The following CTNNA3 variants were observed in gnomAD, a reference collection of about 807,000 sequenced individuals.
CTNNA3 encodes catenin alpha 3, also known as catenin alpha-3.
A neutral mutation model predicts 95.7 loss-of-function variants in CTNNA3; 76 were observed. That is an observed-to-expected ratio of 0.79 (90% CI 0.66 to 0.96). The LOEUF (loss-of-function observed/expected upper bound fraction) is 0.96. CTNNA3 is among the 40% of genes least tolerant of loss of function. The pLI is 0.00. For synonymous variants in CTNNA3, 431 were observed against 374.4 expected, an observed-to-expected ratio of 1.15 and a Z score of -1.74; for missense variants, 1,191 against 1,089.8, an observed-to-expected ratio of 1.09 and a Z score of -1.31.
intron 13 of CTNNA3, among the ~76,000 whole-genome samples, chr10:66,185,208 G>A (rs755475766): frequency 1.4e-4 from 21 of 152,132 alleles, no homozygotes; most frequent in South Asian, 4.1e-4. Flanking sequence ...AACAATTTCG[G>A]TAAATAAATA....
rs1279051587 is a variant in CTNNA3 at position 67,239,286 on chromosome 10, A to G, written c.580-19416T>C. ...CTAAAGACACAGGCAAAAATGTTCCATACCAGCACTGTCTGTAATAGTCCC... is the reference window on the plus strand; with the variant it reads ...CTAAAGACACAGGCAAAAATGTTCCGTACCAGCACTGTCTGTAATAGTCCC... On this transcript the variant is annotated intron_variant, in intron 5 of 17. Transcript: ENST00000433211. Among the ~76,000 whole-genome samples, 2 of 151,956 alleles carry G rather than the reference A, an allele frequency of 1.3e-5. 1 individual carries two copies. The highest frequency in any genetic ancestry group is 4.2e-4 in the South Asian group (2 of 4,818).
rs1288234204 is a variant in CTNNA3, at chr10:66,599,540, T to C, written c.1374+22152A>G. On this transcript the variant is annotated intron_variant, in intron 10 of 17. Coordinates refer to ENST00000433211, the MANE Select transcript of CTNNA3 (RefSeq NM_013266.4). Reference sequence around the variant, plus strand: ...CTTTGGATTACCCATGAAATATTTCTTGTTACACAACAATACATTCTGAAA... The same window carrying C: ...CTTTGGATTACCCATGAAATATTTCCTGTTACACAACAATACATTCTGAAA... Among the ~76,000 whole-genome samples, 3 of 152,108 alleles carry C rather than the reference T, an allele frequency of 2.0e-5. No homozygotes were observed. The South Asian group carries it at 6.2e-4, about 32-fold the overall frequency.
chr10:66,433,824 G>C (rs1309176449), intron 11 of CTNNA3, among the ~76,000 whole-genome samples: 1 of 152,154 alleles, frequency 6.6e-6, no homozygotes, highest in African/African-American at 2.4e-5. Flanking sequence ...TTTGTATTAG[G>C]TGTAAGGAAG....
At chr10:66,644,596 T>C (rs1398366825) in intron 9 of CTNNA3, among the ~76,000 whole-genome samples, 1 of 151,768 alleles carries the variant, frequency 6.6e-6, no homozygotes, top group Non-Finnish European at 1.5e-5. Context: ...AGAAATAATA[T>C]AGAGACATCC....
chr10:67,258,711 G>C (rs1866460465), intron 5 of CTNNA3, among the ~76,000 whole-genome samples: 1 of 152,040 alleles, frequency 6.6e-6, no homozygotes, highest in South Asian at 2.1e-4. Context: ...TTAAAAATTA[G>C]TCACTTTCTC....
At chr10:66,769,995 GT>G (rs1564671139) in intron 8 of CTNNA3, among the ~76,000 whole-genome samples, 2 of 152,184 alleles carry the variant, frequency 1.3e-5, no homozygotes, top group East Asian at 3.8e-4. Context: ...TGGTATTAAT[GT>G]TGTTTGATCA....
intron 3 of CTNNA3, among the ~76,000 whole-genome samples, chr10:67,564,678 T>TATATATATAA (rs1491148018): frequency 1.5e-3 from 15 of 10,314 alleles, no homozygotes; most frequent in Non-Finnish European, 2.1e-3. Flanking sequence ...TGTGTGTGTG[T>TATATATATAA]ATATATATAT....
chr10:67,308,892 A>G (rs897409876), intron 5 of CTNNA3, among the ~76,000 whole-genome samples: 2 of 152,124 alleles, frequency 1.3e-5, no homozygotes, highest in South Asian at 4.1e-4. Context: ...CTACTTCAAA[A>G]CTTTTTTTTT....
At chr10:66,475,724 C>T (rs547795690) in intron 11 of CTNNA3, among the ~76,000 whole-genome samples, 2 of 151,792 alleles carry the variant, frequency 1.3e-5, no homozygotes, top group South Asian at 2.1e-4. Flanking sequence ...AAGATGCTGG[C>T]GAGGCTATGG....
intron 11 of CTNNA3, among the ~76,000 whole-genome samples, chr10:66,382,728 G>A (rs1186521855): frequency 6.6e-6 from 1 of 152,142 alleles, no homozygotes; most frequent in Non-Finnish European, 1.5e-5. Context: ...CTGGGATGAA[G>A]CTTCCAGAGG....
chr10:67,685,528 A>G (rs1159099737), intron 1 of CTNNA3, among the ~76,000 whole-genome samples: 2 of 152,158 alleles, frequency 1.3e-5, no homozygotes, highest in Non-Finnish European at 2.9e-5. Flanking sequence ...ATTAATTATG[A>G]TTTAGATCCC....
At chr10:66,473,859 GGC>G (rs1422829680) in intron 11 of CTNNA3, among the ~76,000 whole-genome samples, 4 of 151,930 alleles carry the variant, frequency 2.6e-5, no homozygotes, top group Admixed American at 2.0e-4. Flanking sequence ...CATTTTTTAT[GGC>G]TGTATAGTAT....
intron 5 of CTNNA3, among the ~76,000 whole-genome samples, chr10:67,446,618 G>T (rs10997645): frequency 2.0e-5 from 3 of 151,816 alleles, no homozygotes; most frequent in African/African-American, 7.3e-5. Flanking sequence ...CTTTCTTCTC[G>T]CTTTGAAATG....
chr10:67,481,901 A>G (rs1361822994), intron 5 of CTNNA3, among the ~76,000 whole-genome samples: 1 of 151,946 alleles, frequency 6.6e-6, no homozygotes, highest in Admixed American at 6.6e-5. Context: ...TTAAGTCTTT[A>G]ATCCATCGTG....
chr10:67,521,887 C>G lies in CTNNA3; in HGVS notation c.534G>C (p.Gly178=), dbSNP rs745410749. ...SDLQKTYQKL[G]KELENLDYLA... is the part of the protein sequence containing the mutation. The stretch of plus-strand genomic sequence containing the variant: ...AATAATCCAAATTTTCCAGCTCCTT[C>G]CCAAGCTTCTGGTAGGTTTTCTGGA... Residue 178 remains glycine, a synonymous_variant, in exon 5 of 18, where the codon GGG becomes GGC. Transcript: ENST00000433211. 5 of 1,612,776 alleles carry G rather than the reference C, an allele frequency of 3.1e-6. No individual in the cohort carries two copies. Among genetic ancestry groups the G allele is most frequent in the Non-Finnish European group, 4.2e-6 (5 of 1,179,070 alleles).
chr10:66,394,785 G>C (rs953826970), intron 11 of CTNNA3, among the ~76,000 whole-genome samples: 1 of 151,830 alleles, frequency 6.6e-6, no homozygotes, highest in Admixed American at 6.6e-5. Flanking sequence ...TCAAAATACA[G>C]AACAACTTGA....
At chr10:66,648,173 T>A (rs1845771538) in intron 9 of CTNNA3, among the ~76,000 whole-genome samples, 1 of 152,094 alleles carries the variant, frequency 6.6e-6, no homozygotes, top group African/African-American at 2.4e-5. Flanking sequence ...GACAGCTCAT[T>A]AGCATCACCA....
At chr10:65,978,068 C>CTT (rs900969537) in intron 16 of CTNNA3, among the ~76,000 whole-genome samples, 8 of 150,858 alleles carry the variant, frequency 5.3e-5, no homozygotes, top group African/African-American at 1.7e-4. Context: ...CTTTTAATGC[C>CTT]TTTTTTTTTC....
intron 9 of CTNNA3, among the ~76,000 whole-genome samples, chr10:66,633,462 C>T (rs929560400): frequency 1.3e-5 from 2 of 152,050 alleles, no homozygotes; most frequent in Non-Finnish European, 2.9e-5. Flanking sequence ...GGGCAGATCA[C>T]GAGGTCAGGA....
Sources: gnomAD v4.1 joint callset for allele counts (sites outside exome capture counted in the v4.1 genomes callset) on GRCh38, gnomAD v4.1.1 for gene constraint, MANE v1.5 for transcripts, NCBI Gene and HGNC (gene_info 2026-07-23, HGNC 2026-07-21) for gene names.